Variants in DCAF12 observed in about 807,000 individuals in gnomAD.
DCAF12 encodes the protein DDB1- and CUL4-associated factor 12.
In DCAF12, 28 loss-of-function variants were observed where a neutral mutation model predicts 52.8. That is an observed-to-expected ratio of 0.53 (90% CI 0.39 to 0.73). DCAF12 has a LOEUF of 0.73. DCAF12 is among the 30% of genes least tolerant of loss of function. The pLI, the probability that DCAF12 is intolerant of heterozygous loss-of-function variation, is 0.00. For synonymous variants in DCAF12, 196 were observed against 215.5 expected (o/e 0.91, Z 0.79); for missense variants, 425 against 552.2 (o/e 0.77, Z 2.31).
In DCAF12 at chr9:34,107,383, C is replaced by A. The variant is rs775650096; in HGVS notation, c.516G>T (p.Thr172=). The A allele has an allele frequency of 1.9e-6, 3 of 1,614,134 alleles. No individual in the cohort carries two copies. The highest frequency in any genetic ancestry group is 2.5e-6 in the Non-Finnish European group (3 of 1,180,030). The change falls in exon 3 of 9, where the codon ACG becomes ACT. Residue 172 remains threonine, a synonymous_variant. Transcript: ENST00000361264. ...CATCTCCTACACACACAGGATCCAGCGTAGGTAGTCGATAGATGGCAAGAC... is the reference window on the plus strand; with the variant it reads ...CATCTCCTACACACACAGGATCCAGAGTAGGTAGTCGATAGATGGCAAGAC... ...PNSLAIYRLP[T]LDPVCVGDDG...
At chr9:34,099,383 C>T (rs1828791140) in intron 4 of DCAF12, among the ~76,000 whole-genome samples, 1 of 151,740 alleles carries the variant, frequency 6.6e-6, no homozygotes, top group Non-Finnish European at 1.5e-5. Flanking sequence ...AGGCGCGTGC[C>T]ACCACGCCCA....
At chr9:34,099,737 G>A (rs748923794) in intron 4 of DCAF12, among the ~76,000 whole-genome samples, 30 of 151,338 alleles carry the variant, frequency 2.0e-4, no homozygotes, top group Admixed American at 1.1e-3. Context: ...GGGACTACAG[G>A]CACACGTCAC....
chr9:34,103,816 A>G (rs1477548738), intron 4 of DCAF12, among the ~76,000 whole-genome samples: 2 of 152,032 alleles, frequency 1.3e-5, no homozygotes, highest in East Asian at 1.9e-4. Flanking sequence ...ACTCCAGCCT[A>G]CATAACAGAG....
At position 34,125,153 on chromosome 9, in the gene DCAF12, T is replaced by A. The variant is rs1829227745; in HGVS notation, c.203A>T (p.His68Leu). 6.2e-7 allele frequency: 1 copy of A among 1,614,046 alleles called. No homozygotes were observed. Among genetic ancestry groups the A allele is most frequent in the Non-Finnish European group, 8.5e-7 (1 of 1,180,036 alleles). ...GGGAAGTTGCTGTGCTGCATAACCA[T>A]GCAACACTCGAGAGTAGCTGGTTTC... The part of the protein sequence containing the change: ...QNETSYSRVL[H>L]GYAAQQLPSL... The change falls in exon 2 of 9, where the codon CAT becomes CTT. Residue 68 changes from histidine (H) to leucine (L), a missense_variant. Coordinates refer to ENST00000361264, the MANE Select transcript of DCAF12 (RefSeq NM_015397.4).
chr9:34,126,316 C>T, intron 1 of DCAF12, 38 bp downstream of exon 1: 1 of 1,608,488 alleles, frequency 6.2e-7, no homozygotes, highest in African/African-American at 1.3e-5. Context: ...CTTGGTTCCT[C>T]AGCCTCACCA....
In DCAF12 at chr9:34,092,165, T is replaced by A. The variant is rs536282766; in HGVS notation, c.1024+1121A>T. Among the ~76,000 whole-genome samples, 9 of 152,350 alleles carry A rather than the reference T, an allele frequency of 5.9e-5. No homozygotes were observed. In the South Asian group the frequency reaches 8.3e-4, roughly 14 times the overall value. ...AACTCAGTATTTTCTTCAGCCTTAT[T>A]GAGGTTTGTCATACAATATACGACA... On this transcript the variant is annotated intron_variant, in intron 7 of 8. Transcript: ENST00000361264.
chr9:34,090,390 G>A (rs1296193581), intron 7 of DCAF12, among the ~76,000 whole-genome samples: 2 of 151,978 alleles, frequency 1.3e-5, no homozygotes, highest in African/African-American at 4.8e-5. Context: ...CTAGTATTAG[G>A]TGTTTTGAGA....
intron 4 of DCAF12, 24 bp downstream of exon 4, chr9:34,106,410 C>T (rs1309869109): frequency 1.3e-6 from 2 of 1,584,808 alleles, no homozygotes; most frequent in Admixed American, 1.7e-5. Flanking sequence ...ACATCAAAAG[C>T]TCCCTATAAA....
intron 1 of DCAF12, 58 bp downstream of exon 1, chr9:34,126,296 C>A: frequency 6.3e-7 from 1 of 1,595,742 alleles, no homozygotes; most frequent in South Asian, 1.1e-5. Context: ...TCTGCGGACC[C>A]TAAGCCCATC....
chr9:34,089,391 C>G, intron 8 of DCAF12, 21 bp downstream of exon 8: 2 of 1,601,100 alleles, frequency 1.2e-6, no homozygotes, highest in Non-Finnish European at 1.7e-6. Flanking sequence ...TAGCAGTCAT[C>G]TCAGGTAGGG....
intron 2 of DCAF12, among the ~76,000 whole-genome samples, chr9:34,123,118 G>A (rs930269830): frequency 2.0e-5 from 3 of 152,084 alleles, no homozygotes; most frequent in African/African-American, 7.2e-5. Flanking sequence ...TGCTAGCTGG[G>A]GCCAAGAAAT....
intron 1 of DCAF12, 42 bp from the exon 2 acceptor site, chr9:34,125,319 C>A (rs775926966): frequency 6.2e-6 from 10 of 1,605,954 alleles, no homozygotes; most frequent in Non-Finnish European, 8.5e-6. Context: ...GGCTACTCTT[C>A]TTCAGAACAG....
intron 2 of DCAF12, among the ~76,000 whole-genome samples, chr9:34,115,939 T>C (rs1355062184): frequency 6.6e-6 from 1 of 152,204 alleles, no homozygotes; most frequent in African/African-American, 2.4e-5. Flanking sequence ...TTAATTGAAT[T>C]AATTCCCTAT....
At chr9:34,105,226 C>G (rs1000587011) in intron 4 of DCAF12, among the ~76,000 whole-genome samples, 68 of 151,410 alleles carry the variant, frequency 4.5e-4, no homozygotes, top group African/African-American at 1.6e-3. Flanking sequence ...GCACTCCAGC[C>G]TGGAAGACAG....
At chr9:34,111,242 C>T (rs1477167240) in intron 2 of DCAF12, among the ~76,000 whole-genome samples, 4 of 152,144 alleles carry the variant, frequency 2.6e-5, no homozygotes, top group Non-Finnish European at 4.4e-5. Context: ...CCTCAGCCTC[C>T]CAAAGTGCCG....
intron 4 of DCAF12, among the ~76,000 whole-genome samples, chr9:34,100,792 G>C (rs547618062): frequency 7.4e-5 from 11 of 147,820 alleles, no homozygotes; most frequent in Non-Finnish European, 1.7e-4. Flanking sequence ...GAGCCACCAA[G>C]CCTAGCCTTA....
intron 2 of DCAF12, among the ~76,000 whole-genome samples, chr9:34,111,622 T>C (rs12551453): frequency 0.037 from 5,581 of 152,226 alleles, 304 homozygotes; most frequent in African/African-American, 0.12. Context: ...CACATCCCTG[T>C]GAGGGTGAGG....
chr9:34,101,535 G>A (rs1381474848), intron 4 of DCAF12, among the ~76,000 whole-genome samples: 1 of 151,796 alleles, frequency 6.6e-6, no homozygotes, highest in Non-Finnish European at 1.5e-5. Context: ...TGGGATTACA[G>A]GCATGTGCCA....
intron 6 of DCAF12, chr9:34,096,330 G>A (rs979805832): frequency 2.1e-5 from 4 of 186,446 alleles, no homozygotes; most frequent in South Asian, 1.1e-4. Context: ...ACTGATCCAT[G>A]AGCCATGACT....
Sources: allele counts gnomAD v4.1 joint callset (sites outside exome capture counted in the v4.1 genomes callset), GRCh38; gene constraint gnomAD v4.1.1; transcripts MANE v1.5; gene names NCBI Gene and HGNC (gene_info 2026-07-23, HGNC 2026-07-21).